The following DLEU7 variants were observed in gnomAD, a reference collection of about 807,000 sequenced individuals.
DLEU7 encodes deleted in lymphocytic leukemia 7.
Under a neutral mutation model 16.0 loss-of-function variants are expected in DLEU7, and 17 were observed. That is an observed-to-expected ratio of 1.06 (90% confidence interval 0.73 to 1.59). The LOEUF (loss-of-function observed/expected upper bound fraction) is 1.59. Among genes scored for constraint, DLEU7 ranks in the 40% most tolerant of loss-of-function variants. The probability of loss-of-function intolerance (pLI) is 0.00; values close to 1 mark genes in which losing one functional copy is unlikely to be tolerated. For missense variants in DLEU7, 308 were observed against 314.9 expected, an observed-to-expected ratio of 0.98 and a Z score of 0.17; for synonymous variants, 113 against 139.8, an observed-to-expected ratio of 0.81 and a Z score of 1.35.
rs1876964727 is a variant in DLEU7, at chr13:50,823,132, T to G, written c.*182A>C. Reference sequence around the variant, plus strand: ...ATATGAACTACTGCTTTAAAAAAATTTCATTAACATGCTATAATCCCGAAG... The same window carrying G: ...ATATGAACTACTGCTTTAAAAAAATGTCATTAACATGCTATAATCCCGAAG... On this transcript the variant is annotated 3_prime_UTR_variant, in exon 2 of 2. Transcript: ENST00000504404. The G allele has an allele frequency of 6.5e-6, 9 of 1,391,774 alleles. No homozygotes were observed. The highest frequency in any genetic ancestry group is 2.6e-5 in the East Asian group (1 of 38,880). The allele number at this position is 1,391,774 out of a possible 1,614,324, so 86.2% of individuals were successfully genotyped here. A position where few individuals can be genotyped will look rare whatever the true frequency, so the allele number is the denominator to read the frequency against.
chr13:50,778,402 C>T (rs1048869294), intron 1 of DLEU7, among the ~76,000 whole-genome samples: 5 of 152,154 alleles, frequency 3.3e-5, no homozygotes, highest in African/African-American at 9.7e-5. Context: ...CAGATTAAAA[C>T]CCAGACTCTC....
chr13:50,829,887 G>A (rs1877207993), intron 1 of DLEU7, among the ~76,000 whole-genome samples: 3 of 152,112 alleles, frequency 2.0e-5, no homozygotes, highest in Admixed American at 1.3e-4. Context: ...TGGAAGGTAG[G>A]GGTCACAAGT....
chr13:50,785,631 T>A (rs1420694370), intron 1 of DLEU7, among the ~76,000 whole-genome samples: 2 of 152,228 alleles, frequency 1.3e-5, no homozygotes, highest in Non-Finnish European at 2.9e-5. Context: ...TCTTCCTCAA[T>A]GTTGAACCAC....
intron 1 of DLEU7, among the ~76,000 whole-genome samples, chr13:50,767,221 C>T (rs143178164): frequency 0.014 from 2,062 of 152,062 alleles, 48 homozygotes; most frequent in East Asian, 0.1. Context: ...TTTGGGAGGC[C>T]GAGGCGGGCA....
At chr13:50,752,062 T>TTTTTTTC (rs1593541659) in intron 1 of DLEU7, among the ~76,000 whole-genome samples, 2 of 150,966 alleles carry the variant, frequency 1.3e-5, no homozygotes, top group East Asian at 1.9e-4. Flanking sequence ...CTTTTTTTTT[T>TTTTTTTC]TTTTTTTGAG....
chr13:50,760,571 C>G (rs1340163712), intron 1 of DLEU7, among the ~76,000 whole-genome samples: 1 of 152,158 alleles, frequency 6.6e-6, no homozygotes, highest in African/African-American at 2.4e-5. Flanking sequence ...CTATGTTGAC[C>G]AGGCTGGTCT....
intron 1 of DLEU7, among the ~76,000 whole-genome samples, chr13:50,805,616 T>C (rs984264738): frequency 2.0e-5 from 3 of 152,188 alleles, no homozygotes; most frequent in Admixed American, 2.0e-4. Context: ...TTTTACTCAT[T>C]TTTTTCTAAT....
intron 1 of DLEU7, among the ~76,000 whole-genome samples, chr13:50,768,816 G>C (rs144114774): frequency 9.2e-5 from 14 of 152,210 alleles, no homozygotes; most frequent in African/African-American, 3.1e-4. Flanking sequence ...GGGATGGCTC[G>C]GTCAAATGGT....
chr13:50,803,530 T>C (rs1322509276), intron 1 of DLEU7, among the ~76,000 whole-genome samples: 1 of 152,104 alleles, frequency 6.6e-6, no homozygotes, highest in Admixed American at 6.6e-5. Context: ...CTAGTTCCAA[T>C]TGTGATGCAC....
intron 1 of DLEU7, among the ~76,000 whole-genome samples, chr13:50,757,809 G>T (rs1204266436): frequency 6.6e-6 from 1 of 152,192 alleles, no homozygotes; most frequent in Admixed American, 6.5e-5. Context: ...TAGCAAAAGT[G>T]CAGGGGCTCC....
At chr13:50,736,791 G>A (rs1281781991) in intron 1 of DLEU7, among the ~76,000 whole-genome samples, 2 of 151,426 alleles carry the variant, frequency 1.3e-5, no homozygotes. Context: ...AAATGGAGAG[G>A]GAGAGAGAAC....
intron 1 of DLEU7, among the ~76,000 whole-genome samples, chr13:50,729,360 T>C (rs1468918096): frequency 2.6e-5 from 4 of 152,200 alleles, no homozygotes; most frequent in South Asian, 2.1e-4. Context: ...AATGACAATA[T>C]CTTATTCTTT....
intron 1 of DLEU7, among the ~76,000 whole-genome samples, chr13:50,789,945 C>CTT (rs750516352): frequency 1.1e-4 from 8 of 70,308 alleles, no homozygotes; most frequent in African/African-American, 4.8e-4. Context: ...TTCTTTCTTT[C>CTT]TTTTTTTTTT....
chr13:50,751,460 G>C (rs1874561345), intron 1 of DLEU7, among the ~76,000 whole-genome samples: 1 of 152,190 alleles, frequency 6.6e-6, no homozygotes, highest in Non-Finnish European at 1.5e-5. Context: ...GAATTAGAGA[G>C]GGTTCCCTCT....
chr13:50,803,930 T>C (rs1876317288), intron 1 of DLEU7, among the ~76,000 whole-genome samples: 1 of 152,170 alleles, frequency 6.6e-6, no homozygotes. Context: ...CTTACTACAA[T>C]ACTTTTAAAA....
At chr13:50,759,907 C>T (rs913754959) in intron 1 of DLEU7, among the ~76,000 whole-genome samples, 1 of 152,184 alleles carries the variant, frequency 6.6e-6, no homozygotes, top group African/African-American at 2.4e-5. Flanking sequence ...CTCTGCCAGC[C>T]ACCTTCCATC....
chr13:50,838,310 G>A lies in DLEU7; in HGVS notation c.459+4878C>T, dbSNP rs147350915. 7.3e-3 allele frequency among the ~76,000 whole-genome samples: 1,118 copies of A among 152,312 alleles called. 8 individuals are homozygous for A. The highest frequency in any genetic ancestry group is 0.014 in the Middle Eastern group (4 of 294). ...AGGTTTCATCTGCAAGGGCAAAAAC[G>A]TTCTTCTGCCTCTGAAAGTTAGCTT... On this transcript the variant is annotated intron_variant, in intron 1 of 1. Transcript: ENST00000504404.
chr13:50,755,019 C>T (rs1002069005), intron 1 of DLEU7, among the ~76,000 whole-genome samples: 7 of 152,206 alleles, frequency 4.6e-5, no homozygotes, highest in Non-Finnish European at 1.0e-4. Flanking sequence ...GATAGGGCCC[C>T]AATCTCTTCT....
intron 1 of DLEU7, among the ~76,000 whole-genome samples, chr13:50,833,172 A>C (rs1281167888): frequency 6.6e-6 from 1 of 152,232 alleles, no homozygotes; most frequent in Non-Finnish European, 1.5e-5. Flanking sequence ...ACTCCTATTC[A>C]ACATAGTATT....
Sources: allele counts gnomAD v4.1 joint callset (sites outside exome capture counted in the v4.1 genomes callset), GRCh38; gene constraint gnomAD v4.1.1; transcripts MANE v1.5; gene names NCBI Gene and HGNC (gene_info 2026-07-23, HGNC 2026-07-21).